Variants in ASTN2 observed in about 807,000 individuals in gnomAD.
ASTN2 encodes the protein astrotactin-2.
Under a neutral mutation model 139.8 loss-of-function variants are expected in ASTN2, and 54 were observed. The ratio of observed to expected loss-of-function variants is 0.39; its 90% CI spans 0.31 to 0.48. ASTN2 has a LOEUF of 0.48. Among genes scored for constraint, ASTN2 ranks in the 20% least tolerant of loss-of-function variants. The pLI is 0.95. For synonymous variants in ASTN2, 756 were observed against 719.5 expected, an observed-to-expected ratio of 1.05 and a Z score of -0.81; for missense variants, 1,565 against 1,725.1, an observed-to-expected ratio of 0.91 and a Z score of 1.64.
At chr9:117,332,239 C>T (rs575366321) in intron 1 of ASTN2, among the ~76,000 whole-genome samples, 1 of 152,200 alleles carries the variant, frequency 6.6e-6, no homozygotes, top group Admixed American at 6.5e-5. Flanking sequence ...AATGTGTTGC[C>T]ACCCTTTATA....
chr9:117,095,334 T>C (rs1232037873), intron 5 of ASTN2, among the ~76,000 whole-genome samples: 3 of 152,220 alleles, frequency 2.0e-5, no homozygotes, highest in African/African-American at 7.2e-5. Flanking sequence ...GCACGTTGAA[T>C]CATCAGGGAA....
chr9:117,232,250 C>T (rs1832915067), intron 2 of ASTN2, among the ~76,000 whole-genome samples: 1 of 152,166 alleles, frequency 6.6e-6, no homozygotes, highest in African/African-American at 2.4e-5. Context: ...TGTAAACACT[C>T]TGGATAGTAT....
chr9:117,393,033 A>G (rs1830581381), intron 1 of ASTN2, among the ~76,000 whole-genome samples: 1 of 152,220 alleles, frequency 6.6e-6, no homozygotes, highest in Non-Finnish European at 1.5e-5. Flanking sequence ...TGGTAACAGG[A>G]GTAGACAAAG....
At chr9:117,227,659 T>C (rs1448674488) in intron 2 of ASTN2, among the ~76,000 whole-genome samples, 1 of 152,240 alleles carries the variant, frequency 6.6e-6, no homozygotes, top group Admixed American at 6.5e-5. Flanking sequence ...ACATTGCTGT[T>C]AGTTCCCTTT....
chr9:116,822,925 C>T (rs997786397), intron 11 of ASTN2, among the ~76,000 whole-genome samples: 2 of 152,146 alleles, frequency 1.3e-5, no homozygotes, highest in African/African-American at 4.8e-5. Context: ...CAAATGTTCT[C>T]ATGACAGAGA....
intron 1 of ASTN2, among the ~76,000 whole-genome samples, chr9:117,292,703 C>T (rs559409049): frequency 3.9e-5 from 6 of 152,146 alleles, no homozygotes; most frequent in African/African-American, 9.7e-5. Flanking sequence ...TGCATTCACA[C>T]ACACACACAA....
Position 116,717,347 on chromosome 9 carries a change from A to C in ASTN2, c.2806+8424T>G, listed in dbSNP as rs187236123. On this transcript the variant is annotated intron_variant, in intron 16 of 22. Transcript: ENST00000313400. Reference sequence around the variant, plus strand: ...GTGGAAACGGCAGTCTCATGGGCCTATTTGTGTTTAATGAACCACATCCTG... The same window carrying C: ...GTGGAAACGGCAGTCTCATGGGCCTCTTTGTGTTTAATGAACCACATCCTG... Among the ~76,000 whole-genome samples the C allele has an allele frequency of 1.8e-4, 27 of 152,210 alleles. No homozygotes were observed. In the East Asian group the frequency reaches 5.2e-3, roughly 29 times the overall value.
At chr9:116,596,063 A>G (rs1854561111) in intron 19 of ASTN2, among the ~76,000 whole-genome samples, 1 of 152,222 alleles carries the variant, frequency 6.6e-6, no homozygotes, top group Non-Finnish European at 1.5e-5. Context: ...TGAAGAAAAC[A>G]TGGTATATGC....
intron 4 of ASTN2, among the ~76,000 whole-genome samples, chr9:117,126,421 T>C (rs1829690760): frequency 1.3e-5 from 2 of 152,230 alleles, no homozygotes; most frequent in South Asian, 2.1e-4. Context: ...CCATTTCTTT[T>C]ACAAAGTAAG....
intron 1 of ASTN2, among the ~76,000 whole-genome samples, chr9:117,293,260 C>G (rs2130786451): frequency 6.6e-6 from 1 of 152,226 alleles, no homozygotes; most frequent in South Asian, 2.1e-4. Context: ...GCTGTCTTGC[C>G]TGGCTTACTG....
At chr9:116,558,411 G>C (rs1270704732) in intron 19 of ASTN2, among the ~76,000 whole-genome samples, 3 of 151,556 alleles carry the variant, frequency 2.0e-5, no homozygotes, top group African/African-American at 7.3e-5. Flanking sequence ...AAAGTGATTT[G>C]CTTAAGGTAG....
At chr9:116,986,160 G>GGGGCCCCCCCCCCCCCCC in intron 7 of ASTN2, among the ~76,000 whole-genome samples, 1 of 131,926 alleles carries the variant, frequency 7.6e-6, no homozygotes, top group African/African-American at 3.2e-5. Flanking sequence ...TGTCCAGGCT[G>GGGGCCCCCCCCCCCCCCC]CCCCCCCCCA....
At chr9:116,454,803 A>G (rs775304562) in intron 20 of ASTN2, among the ~76,000 whole-genome samples, 17 of 152,302 alleles carry the variant, frequency 1.1e-4, no homozygotes, top group Non-Finnish European at 2.4e-4. Context: ...AAAACCAAGC[A>G]TCGCATGTTC....
chr9:117,295,244 C>A (rs1834699662), intron 1 of ASTN2, among the ~76,000 whole-genome samples: 1 of 152,100 alleles, frequency 6.6e-6, no homozygotes, highest in South Asian at 2.1e-4. Context: ...ATCGCTTGAA[C>A]TCGGAAAGTG....
intron 3 of ASTN2, among the ~76,000 whole-genome samples, chr9:117,207,444 G>A (rs1236638864): frequency 6.6e-6 from 1 of 152,100 alleles, no homozygotes; most frequent in Non-Finnish European, 1.5e-5. Context: ...GTCCCCCTCA[G>A]ACACATTTTC....
chr9:116,761,444 A>C (rs1427899153), intron 13 of ASTN2, among the ~76,000 whole-genome samples: 1 of 152,220 alleles, frequency 6.6e-6, no homozygotes, highest in African/African-American at 2.4e-5. Flanking sequence ...AGGATCACTC[A>C]GCCTTTCACG....
chr9:117,385,063 G>A (rs1215331026), intron 1 of ASTN2, among the ~76,000 whole-genome samples: 3 of 152,124 alleles, frequency 2.0e-5, no homozygotes, highest in African/African-American at 2.4e-5. Context: ...ATATAGTATC[G>A]AAGTTTTTGA....
chr9:116,862,807 T>TACACACACACACACACACAC (rs751612533), intron 11 of ASTN2, among the ~76,000 whole-genome samples: 4 of 90,918 alleles, frequency 4.4e-5, no homozygotes, highest in African/African-American at 1.7e-4. Flanking sequence ...CACACACAAA[T>TACACACACACACACACACAC]ACACACACAC....
chr9:117,235,212 C>T (rs1411503563), intron 2 of ASTN2, among the ~76,000 whole-genome samples: 2 of 150,668 alleles, frequency 1.3e-5, no homozygotes, highest in Non-Finnish European at 2.9e-5. Flanking sequence ...CCAGCCCAGG[C>T]CAATAACAGC....
Sources: gnomAD v4.1 joint callset for allele counts (sites outside exome capture counted in the v4.1 genomes callset) on GRCh38, gnomAD v4.1.1 for gene constraint, MANE v1.5 for transcripts, NCBI Gene and HGNC (gene_info 2026-07-23, HGNC 2026-07-21) for gene names.